AFAP1: variants seen among roughly 807,000 people sequenced by gnomAD.
AFAP1 encodes the protein actin filament-associated protein 1.
A neutral mutation model predicts 93.9 loss-of-function variants in AFAP1; 75 were observed. The observed-to-expected ratio is 0.80, with a 90% CI of 0.66 to 0.97. The LOEUF is 0.97. AFAP1 is among the 50% of genes least tolerant of loss of function. The pLI is 0.00. For synonymous variants in AFAP1, 517 were observed against 430.7 expected, an observed-to-expected ratio of 1.20 and a Z score of -2.48; for missense variants, 1,201 against 1,050.8, an observed-to-expected ratio of 1.14 and a Z score of -1.98.
intron 4 of AFAP1, among the ~76,000 whole-genome samples, chr4:7,848,764 A>C (rs1432167885): frequency 6.6e-6 from 1 of 152,088 alleles, no homozygotes; most frequent in Non-Finnish European, 1.5e-5. Flanking sequence ...CATCTAGTCA[A>C]CTTCACACCT....
Position 7,774,790 on chromosome 4 carries a change from G to A in AFAP1, c.2011C>T (p.Gln671Ter). Residue 671 changes from glutamine to a stop codon, truncating the protein, a stop_gained, in exon 15 of 18, where the codon CAG becomes TAG. Transcript: ENST00000420658. LOFTEE classifies it high-confidence loss of function. ...AGGTCTTTTCTTTCCTTGCGGAGCTGGGCCAGCCTATTCCGCAGGGCCTCT... is the reference window on the plus strand; with the variant it reads ...AGGTCTTTTCTTTCCTTGCGGAGCTAGGCCAGCCTATTCCGCAGGGCCTCT... Reference protein sequence around the residue: ...RKEALRNRLAQLRKERKDLRA... With the variant: ...RKEALRNRLA The A allele has an allele frequency of 3.1e-6, 5 of 1,614,212 alleles. No homozygotes were observed. The highest frequency in any genetic ancestry group is 4.2e-6 in the Non-Finnish European group (5 of 1,180,046).
At chr4:7,766,188 G>A (rs1714543584) in intron 17 of AFAP1, among the ~76,000 whole-genome samples, 5 of 152,206 alleles carry the variant, frequency 3.3e-5, no homozygotes, top group Admixed American at 3.3e-4. Context: ...CGGCGGAAGT[G>A]TTCTGCAAAG....
intron 6 of AFAP1, among the ~76,000 whole-genome samples, chr4:7,825,259 G>T (rs1721321221): frequency 6.6e-6 from 1 of 151,974 alleles, no homozygotes; most frequent in Admixed American, 6.6e-5. Flanking sequence ...TATGCTTCCC[G>T]ACTCTCACCC....
intron 1 of AFAP1, among the ~76,000 whole-genome samples, chr4:7,894,297 C>T (rs1273816160): frequency 1.3e-5 from 2 of 152,130 alleles, no homozygotes; most frequent in African/African-American, 2.4e-5. Context: ...GGATGAGTGT[C>T]GCAACAAGAG....
At chr4:7,812,033 C>T (rs2149056070) in intron 8 of AFAP1, among the ~76,000 whole-genome samples, 1 of 151,610 alleles carries the variant, frequency 6.6e-6, no homozygotes, top group Admixed American at 6.6e-5. Context: ...TCTGAAGGCA[C>T]AGCCCCTCCC....
intron 4 of AFAP1, among the ~76,000 whole-genome samples, chr4:7,848,975 C>T (rs573264687): frequency 2.0e-5 from 3 of 152,308 alleles, no homozygotes; most frequent in Non-Finnish European, 4.4e-5. Flanking sequence ...GAGCCAGCAA[C>T]GGTGCCCTGA....
At chr4:7,796,487 C>T (rs1026411342) in intron 10 of AFAP1, among the ~76,000 whole-genome samples, 2 of 151,998 alleles carry the variant, frequency 1.3e-5, no homozygotes, top group Non-Finnish European at 2.9e-5. Flanking sequence ...CAGTGGCTCA[C>T]GCCTGTAATC....
chr4:7,864,166 C>CATTCCCAACTTCCCATCACA (rs1560207915), intron 3 of AFAP1, among the ~76,000 whole-genome samples: 155 of 152,092 alleles, frequency 1.0e-3, no homozygotes, highest in Admixed American at 1.9e-3. Context: ...CATCACAACC[C>CATTCCCAACTTCCCATCACA]ACAGGTCCTT....
At position 7,772,837 on chromosome 4, in the gene AFAP1, CTGACTTGGGCTCGATGGCCA is replaced by C; in HGVS notation, c.2216_2235del (p.Leu739ArgfsTer24). On this transcript the variant is annotated frameshift_variant, in exon 16 of 18. Coordinates refer to ENST00000420658, the MANE Select transcript of AFAP1 (RefSeq NM_001134647.2). LOFTEE classifies it high-confidence loss of function. ...ACACACACCTGTGGACTCGATGTCC[CTGACTTGGGCTCGATGGCCA>C]GCCCCAGGGTGACTCCGCCCGCCAG... The C allele has an allele frequency of 1.9e-6, 3 of 1,614,004 alleles. No individual in the cohort carries two copies. The highest frequency in any genetic ancestry group is 2.5e-6 in the Non-Finnish European group (3 of 1,179,972).
intron 8 of AFAP1, among the ~76,000 whole-genome samples, chr4:7,813,312 T>C (rs1720208247): frequency 6.6e-6 from 1 of 152,196 alleles, no homozygotes; most frequent in Non-Finnish European, 1.5e-5. Flanking sequence ...CAACCTTAAC[T>C]TTCTCCAGTA....
At chr4:7,867,577 A>G (rs1316947586) in intron 3 of AFAP1, among the ~76,000 whole-genome samples, 1 of 152,216 alleles carries the variant, frequency 6.6e-6, no homozygotes, top group Non-Finnish European at 1.5e-5. Context: ...TGAATTTGAA[A>G]TAAATGTTGC....
intron 14 of AFAP1, chr4:7,776,950 C>A (rs1408270905): frequency 6.6e-6 from 1 of 152,146 alleles, no homozygotes; most frequent in African/African-American, 2.4e-5. Context: ...TGGATTCAAG[C>A]AAAAACACGG....
rs545822133 is a variant in AFAP1, at chr4:7,762,397, C to G, written c.*1368G>C. ...AGGGGCGGTTGCTACTGGGACTGGT[C>G]TCCATGAATCTGCCTGCGGAGGCGT... On this transcript the variant is annotated 3_prime_UTR_variant, in exon 18 of 18. Coordinates refer to ENST00000420658, the MANE Select transcript of AFAP1 (RefSeq NM_001134647.2). 2.0e-5 allele frequency: 3 copies of G among 152,332 alleles called. No individual in the cohort carries two copies. The East Asian group carries it at 5.8e-4, about 29-fold the overall frequency. The allele number at this position is 152,332 out of a possible 1,614,324, so 9.4% of individuals were successfully genotyped here.
At chr4:7,788,852 C>G (rs900014827) in intron 11 of AFAP1, 1 of 152,300 alleles carries the variant, frequency 6.6e-6, no homozygotes, top group Non-Finnish European at 1.5e-5. Flanking sequence ...GCGGCAGGCA[C>G]GTCTCTCACG....
chr4:7,828,969 TG>T (rs1721663149), intron 6 of AFAP1, among the ~76,000 whole-genome samples: 1 of 152,192 alleles, frequency 6.6e-6, no homozygotes, highest in East Asian at 1.9e-4. Flanking sequence ...AATTGAATCA[TG>T]GGGGCGGTTA....
intron 10 of AFAP1, among the ~76,000 whole-genome samples, chr4:7,797,433 G>C (rs1254656061): frequency 6.6e-6 from 1 of 152,194 alleles, no homozygotes; most frequent in Non-Finnish European, 1.5e-5. Flanking sequence ...GACGCTGTGG[G>C]CCTCCTGATG....
At chr4:7,859,553 C>A (rs975980416) in intron 3 of AFAP1, among the ~76,000 whole-genome samples, 32 of 152,320 alleles carry the variant, frequency 2.1e-4, no homozygotes, top group Middle Eastern at 3.4e-3. Context: ...TAAGAAAGAA[C>A]TGACACTGTG....
At chr4:7,865,575 G>C (rs775120533) in intron 3 of AFAP1, among the ~76,000 whole-genome samples, 2 of 152,182 alleles carry the variant, frequency 1.3e-5, no homozygotes, top group Non-Finnish European at 2.9e-5. Context: ...GCCAGGGAAA[G>C]CAAGAGACAA....
At chr4:7,874,367 T>C (rs28893261) in intron 1 of AFAP1, among the ~76,000 whole-genome samples, 13,116 of 135,510 alleles carry the variant, frequency 0.097, 902 homozygotes, top group East Asian at 0.29. Context: ...TTTTTTTTTT[T>C]TTTTTTTTTT....
Sources: gnomAD v4.1 joint callset for allele counts (sites outside exome capture counted in the v4.1 genomes callset) on GRCh38, gnomAD v4.1.1 for gene constraint, MANE v1.5 for transcripts, NCBI Gene and HGNC (gene_info 2026-07-23, HGNC 2026-07-21) for gene names.